GABRA2: variants seen among roughly 807,000 people sequenced by gnomAD.
The protein encoded by GABRA2 is gamma-aminobutyric acid type A receptor subunit alpha2.
In GABRA2, 16 loss-of-function variants were observed where a neutral mutation model predicts 48.7. That is an observed-to-expected ratio of 0.33 (90% CI 0.22 to 0.50). The LOEUF (loss-of-function observed/expected upper bound fraction) is 0.50, where lower values mean the gene tolerates loss of function less well. Ranked by LOEUF, GABRA2 falls within the 20% of genes least tolerant of loss-of-function variation. The pLI is 0.98. For synonymous variants in GABRA2, 185 were observed against 184.5 expected (o/e 1.00, Z -0.02); for missense variants, 275 against 535.6 (o/e 0.51, Z 4.80).
chr4:46,256,084 T>C (rs1715758001), intron 9 of GABRA2: 1 of 439,826 alleles, frequency 2.3e-6, no homozygotes, highest in Non-Finnish European at 4.1e-6. Context: ...TTTACAGTTA[T>C]TGTGGCTACT....
At chr4:46,265,398 T>TATA (rs1560448423) in intron 8 of GABRA2, among the ~76,000 whole-genome samples, 2 of 127,656 alleles carry the variant, frequency 1.6e-5, no homozygotes, top group African/African-American at 6.2e-5. Context: ...ATATATATAA[T>TATA]ATATTGTGTA....
chr4:46,254,995 C>G (rs936660902), intron 9 of GABRA2, among the ~76,000 whole-genome samples: 3 of 151,560 alleles, frequency 2.0e-5, no homozygotes, highest in Non-Finnish European at 3.0e-5. Context: ...AGCTCTGAGT[C>G]ACATCGACCA....
At chr4:46,343,101 A>G (rs988332353) in intron 3 of GABRA2, among the ~76,000 whole-genome samples, 6 of 151,986 alleles carry the variant, frequency 3.9e-5, no homozygotes, top group African/African-American at 1.4e-4. Flanking sequence ...GGACATTGTA[A>G]TTCAAATTTC....
intron 8 of GABRA2, among the ~76,000 whole-genome samples, chr4:46,271,935 G>C (rs1213326041): frequency 6.6e-6 from 1 of 151,508 alleles, no homozygotes; most frequent in African/African-American, 2.4e-5. Flanking sequence ...TACTCTACCT[G>C]GAGTCTTTTC....
At chr4:46,277,032 A>T (rs564962734) in intron 8 of GABRA2, among the ~76,000 whole-genome samples, 1 of 152,264 alleles carries the variant, frequency 6.6e-6, no homozygotes, top group Non-Finnish European at 1.5e-5. Context: ...ACAATTGCAT[A>T]TACTTTTAAT....
At position 46,243,674 on chromosome 4, in the gene GABRA2, C is replaced by A. The variant is rs764785537; in HGVS notation, c.*6634G>T. On this transcript the variant is annotated 3_prime_UTR_variant, in exon 10 of 10. Coordinates refer to ENST00000381620, the MANE Select transcript of GABRA2 (RefSeq NM_000807.4). ...AAAGGTCATATGATCAACTAGTGGC[C>A]TTTCCCAATTACAACAAGGTCACAA... 6.6e-6 allele frequency: 1 copy of A among 151,314 alleles called. No individual in the cohort carries two copies. The highest frequency in any genetic ancestry group is 1.5e-5 in the Non-Finnish European group (1 of 67,528). The allele number at this position is 151,314 out of a possible 1,614,324, so 9.4% of individuals were successfully genotyped here.
Position 46,379,906 on chromosome 4 carries a change from G to A in GABRA2, c.187+6168C>T, listed in dbSNP as rs543082073. 1.3e-4 allele frequency among the ~76,000 whole-genome samples: 19 copies of A among 151,676 alleles called. No individual in the cohort carries two copies. The South Asian group carries it at 2.3e-3, about 18-fold the overall frequency. Reference sequence around the variant, plus strand: ...ACCTACCTTTCCCTATCTTCCCCTCGCCTCCACAGTTTTATATACTGAGAT... The same window carrying A: ...ACCTACCTTTCCCTATCTTCCCCTCACCTCCACAGTTTTATATACTGAGAT... On this transcript the variant is annotated intron_variant, in intron 3 of 9. Coordinates refer to ENST00000381620, the MANE Select transcript of GABRA2 (RefSeq NM_000807.4).
Position 46,251,451 on chromosome 4 carries a change from T to G in GABRA2, c.1060-847A>C, listed in dbSNP as rs1267414501. Reference sequence around the variant, plus strand: ...TCATTACTTACTGGCTCCCCTGAAATAACCTCAGTTTTCAAAATACTTTCT... The same window carrying G: ...TCATTACTTACTGGCTCCCCTGAAAGAACCTCAGTTTTCAAAATACTTTCT... On this transcript the variant is annotated intron_variant, in intron 9 of 9. Transcript: ENST00000381620. Among the ~76,000 whole-genome samples, 3 of 151,484 alleles carry G rather than the reference T, an allele frequency of 2.0e-5. No homozygotes were observed. The Admixed American group carries it at 2.0e-4, about 10-fold the overall frequency.
intron 4 of GABRA2, among the ~76,000 whole-genome samples, chr4:46,323,172 C>T (rs1383932837): frequency 1.3e-5 from 2 of 151,852 alleles, no homozygotes; most frequent in Non-Finnish European, 2.9e-5. Flanking sequence ...TTGGGCATAT[C>T]GCTATAACTT....
At chr4:46,253,828 C>A (rs1389115250) in intron 9 of GABRA2, among the ~76,000 whole-genome samples, 1 of 151,394 alleles carries the variant, frequency 6.6e-6, no homozygotes, top group Non-Finnish European at 1.5e-5. Flanking sequence ...CACAGCAAAG[C>A]TTTTCTGGCT....
In GABRA2 at chr4:46,327,093, TCTAA is replaced by T. The variant is rs771435984; in HGVS notation, c.255+5518_255+5521del. Reference sequence around the variant, plus strand: ...TCTCTTGCCTGTAGTAAAACAGATTTCTAACTAGTCTTCCTTTTCCCTATCCTTT... The same window carrying T: ...TCTCTTGCCTGTAGTAAAACAGATTTCTAGTCTTCCTTTTCCCTATCCTTT... On this transcript the variant is annotated intron_variant, in intron 4 of 9. Transcript: ENST00000381620. 3.2e-4 allele frequency among the ~76,000 whole-genome samples: 49 copies of T among 152,074 alleles called. 1 individual carries two copies. The East Asian group carries it at 8.9e-3, about 28-fold the overall frequency.
intron 3 of GABRA2, among the ~76,000 whole-genome samples, chr4:46,336,787 A>G (rs1030366710): frequency 2.0e-5 from 3 of 152,154 alleles, no homozygotes; most frequent in Non-Finnish European, 4.4e-5. Context: ...ATTAATCCTA[A>G]TCAATTTTGA....
chr4:46,247,628 T>A lies in GABRA2; in HGVS notation c.*2680A>T, dbSNP rs1713959466. Among the ~76,000 whole-genome samples, 1 of 151,286 alleles carries A rather than the reference T, an allele frequency of 6.6e-6. No homozygotes were observed. Among genetic ancestry groups the A allele is most frequent in the Non-Finnish European group, 1.5e-5 (1 of 67,494 alleles). On this transcript the variant is annotated 3_prime_UTR_variant, in exon 10 of 10. Coordinates refer to ENST00000381620, the MANE Select transcript of GABRA2 (RefSeq NM_000807.4). ...TCATTGTACAACTGCATAAAATAGG[T>A]ATAATCTTATGGGCCAAAGAGATCA...
intron 4 of GABRA2, among the ~76,000 whole-genome samples, chr4:46,324,622 C>T (rs1296754488): frequency 6.6e-6 from 1 of 151,286 alleles, no homozygotes; most frequent in Non-Finnish European, 1.5e-5. Flanking sequence ...AGGTTTGTTA[C>T]ACAACTAGAT....
intron 3 of GABRA2, among the ~76,000 whole-genome samples, chr4:46,383,524 A>G (rs923315331): frequency 1.3e-5 from 2 of 152,250 alleles, no homozygotes; most frequent in Non-Finnish European, 2.9e-5. Flanking sequence ...CTGAGAAAGG[A>G]GGATTTATTA....
intron 8 of GABRA2, among the ~76,000 whole-genome samples, chr4:46,266,187 T>A (rs1718179929): frequency 6.6e-6 from 1 of 151,360 alleles, no homozygotes; most frequent in South Asian, 2.1e-4. Flanking sequence ...TCTATTCAAG[T>A]CTTCTACATT....
At chr4:46,309,333 G>A (rs1416833565) in intron 6 of GABRA2, among the ~76,000 whole-genome samples, 2 of 152,040 alleles carry the variant, frequency 1.3e-5, no homozygotes, top group South Asian at 4.1e-4. Flanking sequence ...AATCAGATGA[G>A]AGTACTGTAT....
At chr4:46,299,583 G>A (rs1665571946) in intron 8 of GABRA2, among the ~76,000 whole-genome samples, 1 of 151,266 alleles carries the variant, frequency 6.6e-6, no homozygotes, top group African/African-American at 2.4e-5. Flanking sequence ...AAATGTGTTT[G>A]TTAAACAGCC....
chr4:46,369,118 T>C (rs1473255801), intron 3 of GABRA2: 1 of 622,004 alleles, frequency 1.6e-6, no homozygotes. Flanking sequence ...TAGGTTAATA[T>C]ACTCAAACGT....
Sources: allele counts gnomAD v4.1 joint callset (sites outside exome capture counted in the v4.1 genomes callset), GRCh38; gene constraint gnomAD v4.1.1; transcripts MANE v1.5; gene names NCBI Gene and HGNC (gene_info 2026-07-23, HGNC 2026-07-21).